Variants in RNF150 observed in about 807,000 individuals in gnomAD.
RNF150 encodes ring finger protein 150.
In RNF150, 24 loss-of-function variants were observed where a neutral mutation model predicts 39.3. The observed-to-expected ratio is 0.61, with a 90% CI of 0.44 to 0.86. The LOEUF (loss-of-function observed/expected upper bound fraction) is 0.86, where lower values mean the gene tolerates loss of function less well. Ranked by LOEUF, RNF150 falls within the 40% of genes least tolerant of loss-of-function variation. The pLI is 0.00. For synonymous variants in RNF150, 255 were observed against 227.3 expected (o/e 1.12, Z -1.10); for missense variants, 502 against 587.8 (o/e 0.85, Z 1.51).
At chr4:141,168,005 C>A (rs1490187776) in intron 1 of RNF150, among the ~76,000 whole-genome samples, 1 of 152,132 alleles carries the variant, frequency 6.6e-6, no homozygotes, top group Non-Finnish European at 1.5e-5. Flanking sequence ...AGTGAAAAGG[C>A]AACCTACAGA....
At chr4:140,984,487 G>C (rs1380034280) in intron 1 of RNF150, among the ~76,000 whole-genome samples, 2 of 152,120 alleles carry the variant, frequency 1.3e-5, no homozygotes, top group Non-Finnish European at 2.9e-5. Flanking sequence ...ATGGGAAGAA[G>C]GGTTCGGCAA....
At chr4:141,172,861 C>T (rs1054031325) in intron 1 of RNF150, among the ~76,000 whole-genome samples, 3 of 152,028 alleles carry the variant, frequency 2.0e-5, no homozygotes, top group African/African-American at 7.3e-5. Flanking sequence ...CCCATCTCTA[C>T]TAAAAATACA....
intron 1 of RNF150, among the ~76,000 whole-genome samples, chr4:141,023,715 T>C (rs1735586987): frequency 6.6e-6 from 1 of 152,212 alleles, no homozygotes; most frequent in Non-Finnish European, 1.5e-5. Flanking sequence ...ACATTTCAAG[T>C]GCTCAACTGC....
intron 2 of RNF150, among the ~76,000 whole-genome samples, chr4:140,958,506 T>C (rs1376937071): frequency 6.6e-6 from 1 of 152,164 alleles, no homozygotes; most frequent in Non-Finnish European, 1.5e-5. Context: ...TGCATGCCCT[T>C]GAAAAGAAAA....
At chr4:141,040,035 T>C (rs541429807) in intron 1 of RNF150, among the ~76,000 whole-genome samples, 1 of 152,272 alleles carries the variant, frequency 6.6e-6, no homozygotes, top group Admixed American at 6.5e-5. Flanking sequence ...CCCGCTCCTT[T>C]TTCCTTCTCC....
chr4:140,879,771 A>G (rs1729304991), intron 6 of RNF150, among the ~76,000 whole-genome samples: 1 of 152,090 alleles, frequency 6.6e-6, no homozygotes, highest in Non-Finnish European at 1.5e-5. Flanking sequence ...GTGAGCTGTG[A>G]TTGTGCCATT....
chr4:141,072,897 C>T (rs1346984875), intron 1 of RNF150, among the ~76,000 whole-genome samples: 1 of 152,060 alleles, frequency 6.6e-6, no homozygotes, highest in Admixed American at 6.6e-5. Flanking sequence ...ATTTTATATT[C>T]TTTTGAATCA....
At chr4:141,016,504 T>C (rs961620174) in intron 1 of RNF150, among the ~76,000 whole-genome samples, 3 of 152,244 alleles carry the variant, frequency 2.0e-5, no homozygotes, top group African/African-American at 7.2e-5. Context: ...ACTGCCTATA[T>C]GGAGTAGTCC....
intron 5 of RNF150, among the ~76,000 whole-genome samples, chr4:140,919,674 T>A (rs1225777876): frequency 1.3e-5 from 2 of 150,494 alleles, no homozygotes; most frequent in African/African-American, 4.9e-5. Flanking sequence ...TTCACAGAAC[T>A]GGAAAAAACT....
intron 1 of RNF150, among the ~76,000 whole-genome samples, chr4:141,032,234 A>T (rs1431397006): frequency 1.3e-5 from 2 of 152,122 alleles, no homozygotes; most frequent in African/African-American, 4.8e-5. Context: ...TAAAACAAGT[A>T]GAACTCATGG....
In RNF150 at chr4:140,864,428, C is replaced by T. The variant is rs2111166485; in HGVS notation, c.*3833G>A. ...ATTATTTTGAGTGAATGCAAATGCTCCTTTTCTTCCCCATAGCATTGGGGT... is the reference window on the plus strand; with the variant it reads ...ATTATTTTGAGTGAATGCAAATGCTTCTTTTCTTCCCCATAGCATTGGGGT... On this transcript the variant is annotated 3_prime_UTR_variant, in exon 7 of 7. Coordinates refer to ENST00000515673, the MANE Select transcript of RNF150 (RefSeq NM_020724.2). 1 of 152,326 alleles carries T rather than the reference C, an allele frequency of 6.6e-6. No homozygotes were observed. The highest frequency in any genetic ancestry group is 2.1e-4 in the South Asian group (1 of 4,822). The allele number at this position is 152,326 out of a possible 1,614,324, so 9.4% of individuals were successfully genotyped here.
At chr4:141,137,911 G>T (rs1366710740), upstream of RNF150, among the ~76,000 whole-genome samples, 1 of 152,144 alleles carries the variant, frequency 6.6e-6, no homozygotes, top group African/African-American at 2.4e-5. Context: ...GAATTAGTAG[G>T]TTTCCAGAGG....
intron 1 of RNF150, among the ~76,000 whole-genome samples, chr4:141,010,753 C>T (rs575455088): frequency 6.3e-4 from 96 of 152,140 alleles, no homozygotes; most frequent in Admixed American, 2.6e-3. Flanking sequence ...GAGGAGTGCA[C>T]GGAGACAGTA....
Position 140,967,626 on chromosome 4 carries a change from G to A in RNF150, c.732C>T (p.Asn244=). 1 of 1,605,264 alleles carries A rather than the reference G, an allele frequency of 6.2e-7. No individual in the cohort carries two copies. The highest frequency in any genetic ancestry group is 2.2e-5 in the East Asian group (1 of 44,660). The change falls in exon 2 of 7, where the codon AAC becomes AAT. Residue 244 remains asparagine, a synonymous_variant. Coordinates refer to ENST00000515673, the MANE Select transcript of RNF150 (RefSeq NM_020724.2). ...RFRYANARDR[N]QRRLGDAAKK... ...TTTTTAACTTTTTGCTACTCACCTG[G>A]TTCCTATCCCTGGCATTTGCATATC... is the stretch of plus-strand genomic sequence containing the variant.
At chr4:141,034,526 CTGTT>C (rs1177720235) in intron 1 of RNF150, among the ~76,000 whole-genome samples, 3 of 152,106 alleles carry the variant, frequency 2.0e-5, no homozygotes, top group Non-Finnish European at 4.4e-5. Flanking sequence ...ACTAGGTAAA[CTGTT>C]TGGTTTAAGA....
intron 1 of RNF150, among the ~76,000 whole-genome samples, chr4:141,187,736 T>C (rs1270806239): frequency 6.6e-6 from 1 of 152,218 alleles, no homozygotes; most frequent in East Asian, 1.9e-4. Flanking sequence ...TTTGAGCCTA[T>C]GTGTGTCTTT....
At chr4:141,095,640 C>A (rs1404528524) in intron 1 of RNF150, among the ~76,000 whole-genome samples, 2 of 152,144 alleles carry the variant, frequency 1.3e-5, no homozygotes. Flanking sequence ...AGAGAGAGCA[C>A]TGATATATAT....
At chr4:140,918,866 A>C (rs1014115906) in intron 5 of RNF150, among the ~76,000 whole-genome samples, 2 of 152,198 alleles carry the variant, frequency 1.3e-5, no homozygotes, top group South Asian at 2.1e-4. Flanking sequence ...CCCTGGGATG[A>C]AAGTCTGGAT....
intron 1 of RNF150, among the ~76,000 whole-genome samples, chr4:141,129,200 G>A (rs1024565577): frequency 6.6e-6 from 1 of 152,142 alleles, no homozygotes; most frequent in Non-Finnish European, 1.5e-5. Flanking sequence ...TTAAAAGGTA[G>A]AAACAACGTA....
Sources: allele counts gnomAD v4.1 joint callset (sites outside exome capture counted in the v4.1 genomes callset), GRCh38; gene constraint gnomAD v4.1.1; transcripts MANE v1.5; gene names NCBI Gene and HGNC (gene_info 2026-07-23, HGNC 2026-07-21).